Variants in KCNK13 observed in about 807,000 individuals in gnomAD.
The protein encoded by KCNK13 is potassium two pore domain channel subfamily K member 13, also known as potassium channel subfamily K member 13.
Under a neutral mutation model 23.4 loss-of-function variants are expected in KCNK13, and 12 were observed. The observed-to-expected ratio is 0.51, with a 90% CI of 0.33 to 0.83. KCNK13 has a LOEUF of 0.83. KCNK13 is among the 40% of genes least tolerant of loss of function. The pLI, the probability that KCNK13 is intolerant of heterozygous loss-of-function variation, is 0.02. For missense variants in KCNK13, 463 were observed against 556.3 expected (o/e 0.83, Z 1.69); for synonymous variants, 231 against 229.5 (o/e 1.01, Z -0.06).
chr14:90,070,944 C>G (rs1051358386), intron 1 of KCNK13, among the ~76,000 whole-genome samples: 2 of 152,120 alleles, frequency 1.3e-5, no homozygotes, highest in Non-Finnish European at 2.9e-5. Context: ...TTCTGAGAAT[C>G]CTGGATTTGT....
At position 90,184,633 on chromosome 14, in the gene KCNK13, C is replaced by T. The variant is rs1308609354; in HGVS notation, c.857C>T (p.Ser286Phe). 16 of 1,614,112 alleles carry T rather than the reference C, an allele frequency of 9.9e-6. No individual in the cohort carries two copies. Among genetic ancestry groups the T allele is most frequent in the Non-Finnish European group, 1.4e-5 (16 of 1,180,054 alleles). Residue 286 changes from serine (S) to phenylalanine (F), a missense_variant, in exon 2 of 2, where the codon TCC becomes TTC. Coordinates refer to ENST00000282146, the MANE Select transcript of KCNK13 (RefSeq NM_022054.4). The surrounding 1 kb of genome is among the most constrained non-coding windows in gnomAD (Gnocchi z 5.6). ...GTCATCTCTATCCTCATCAAACAGT[C>T]CTTGAACTGGATCCTGAGGAAAATG... Reference protein sequence around the residue: ...FNVISILIKQSLNWILRKMDS... With the variant: ...FNVISILIKQFLNWILRKMDS...
chr14:90,106,946 G>A (rs928147268), intron 1 of KCNK13, among the ~76,000 whole-genome samples: 3 of 151,882 alleles, frequency 2.0e-5, no homozygotes, highest in Non-Finnish European at 2.9e-5. Context: ...GCTTGAATCC[G>A]GGAGGCAGAG....
At chr14:90,087,359 T>C (rs1889293434) in intron 1 of KCNK13, among the ~76,000 whole-genome samples, 1 of 151,980 alleles carries the variant, frequency 6.6e-6, no homozygotes, top group Non-Finnish European at 1.5e-5. Flanking sequence ...AACTGTGTTT[T>C]AATACAGCTG....
chr14:90,116,536 C>T (rs1219901556), intron 1 of KCNK13, among the ~76,000 whole-genome samples: 1 of 152,180 alleles, frequency 6.6e-6, no homozygotes, highest in African/African-American at 2.4e-5. Context: ...CAGCAAGCAG[C>T]CTGTAAGCAG....
intron 1 of KCNK13, among the ~76,000 whole-genome samples, chr14:90,152,977 T>C (rs1240431934): frequency 6.6e-6 from 1 of 152,152 alleles, no homozygotes; most frequent in Non-Finnish European, 1.5e-5. Context: ...TTTGCCCCTC[T>C]GACACTCAAC....
intron 1 of KCNK13, among the ~76,000 whole-genome samples, chr14:90,130,462 A>G (rs1020942451): frequency 6.6e-6 from 1 of 151,572 alleles, no homozygotes; most frequent in African/African-American, 2.4e-5. Flanking sequence ...GGCCTCCCAA[A>G]GTGTTGGGAT....
chr14:90,087,859 G>A (rs967390131), intron 1 of KCNK13, among the ~76,000 whole-genome samples: 5 of 152,166 alleles, frequency 3.3e-5, no homozygotes, highest in Non-Finnish European at 2.9e-5. Flanking sequence ...TAGTGATGAT[G>A]TCCTTCTGGT....
intron 1 of KCNK13, among the ~76,000 whole-genome samples, chr14:90,169,406 C>T (rs1342216295): frequency 2.6e-5 from 4 of 152,114 alleles, no homozygotes; most frequent in Admixed American, 6.5e-5. Flanking sequence ...CAGAAACTAT[C>T]GTCTCACTAC....
At chr14:90,177,452 G>A (rs1379969744) in intron 1 of KCNK13, 1 of 152,114 alleles carries the variant, frequency 6.6e-6, no homozygotes, top group Non-Finnish European at 1.5e-5. Context: ...GTATGTCCGT[G>A]GCAGACATTG....
rs565394684 is a variant in KCNK13, at chr14:90,104,127, T to A, written c.334+41588T>A. 2.6e-5 allele frequency among the ~76,000 whole-genome samples: 4 copies of A among 152,262 alleles called. No homozygotes were observed. In the East Asian group the frequency reaches 7.7e-4, roughly 29 times the overall value. On this transcript the variant is annotated intron_variant, in intron 1 of 1. Coordinates refer to ENST00000282146, the MANE Select transcript of KCNK13 (RefSeq NM_022054.4). The stretch of plus-strand genomic sequence containing the variant: ...TTACCCTTTTCTGAAAACTCACTCA[T>A]CTCGCTCCTCTACTCAATTTTCCTT...
At chr14:90,113,492 A>G (rs958864286) in intron 1 of KCNK13, among the ~76,000 whole-genome samples, 3 of 152,166 alleles carry the variant, frequency 2.0e-5, no homozygotes, top group Non-Finnish European at 2.9e-5. Flanking sequence ...ACCATCTTCA[A>G]TTGGATCCTG....
At chr14:90,099,131 AC>A (rs1319566430) in intron 1 of KCNK13, among the ~76,000 whole-genome samples, 2 of 152,102 alleles carry the variant, frequency 1.3e-5, no homozygotes, top group African/African-American at 2.4e-5. Context: ...GTGACCACTT[AC>A]GTTTTTGTGC....
intron 1 of KCNK13, among the ~76,000 whole-genome samples, chr14:90,078,308 T>C (rs1889164110): frequency 6.6e-6 from 1 of 151,168 alleles, no homozygotes; most frequent in South Asian, 2.1e-4. Context: ...TAATCCCAAA[T>C]ACTCAGGAGG....
rs187967500 is a variant in KCNK13 at position 90,129,578 on chromosome 14, G to A, written c.335-54533G>A. Among the ~76,000 whole-genome samples, 3 of 152,146 alleles carry A rather than the reference G, an allele frequency of 2.0e-5. No individual in the cohort carries two copies. In the East Asian group the frequency reaches 5.8e-4, roughly 29 times the overall value. On this transcript the variant is annotated intron_variant, in intron 1 of 1. Coordinates refer to ENST00000282146, the MANE Select transcript of KCNK13 (RefSeq NM_022054.4). ...TAGGAGTGGGATGGCTGTGCTGTAGGGTGTGTGTGCCTGCTTCACATTATA... is the reference window on the plus strand; with the variant it reads ...TAGGAGTGGGATGGCTGTGCTGTAGAGTGTGTGTGCCTGCTTCACATTATA...
intron 1 of KCNK13, among the ~76,000 whole-genome samples, chr14:90,128,489 G>A (rs957503072): frequency 6.6e-6 from 1 of 152,044 alleles, no homozygotes; most frequent in Admixed American, 6.6e-5. Context: ...TGTGTGGCAC[G>A]TGTGGGCTCT....
intron 1 of KCNK13, among the ~76,000 whole-genome samples, chr14:90,163,233 T>G (rs1890269503): frequency 6.6e-6 from 1 of 152,216 alleles, no homozygotes; most frequent in Non-Finnish European, 1.5e-5. Context: ...ACATTCCAGA[T>G]GCAGGTAGGA....
chr14:90,105,162 A>G (rs1185714200), intron 1 of KCNK13, among the ~76,000 whole-genome samples: 1 of 152,060 alleles, frequency 6.6e-6, no homozygotes, highest in African/African-American at 2.4e-5. Flanking sequence ...GGGTCCATCC[A>G]TCCATCCAAG....
intron 1 of KCNK13, among the ~76,000 whole-genome samples, chr14:90,105,032 T>A (rs1429088826): frequency 6.6e-6 from 1 of 151,952 alleles, no homozygotes; most frequent in Non-Finnish European, 1.5e-5. Flanking sequence ...TCCAGTGATC[T>A]TCACGCCTCA....
chr14:90,139,451 G>A (rs2140427081), intron 1 of KCNK13, among the ~76,000 whole-genome samples: 1 of 131,104 alleles, frequency 7.6e-6, no homozygotes, highest in Non-Finnish European at 1.6e-5. Context: ...GGGGCTGGGG[G>A]TGAGGCAAGA....
Sources: gnomAD v4.1 joint callset for allele counts (sites outside exome capture counted in the v4.1 genomes callset) on GRCh38, gnomAD v4.1.1 for gene constraint, Gnocchi (gnomAD v3.1) non-coding constraint, MANE v1.5 for transcripts, NCBI Gene and HGNC (gene_info 2026-07-23, HGNC 2026-07-21) for gene names.